Variants in MYT1L observed in about 807,000 individuals in gnomAD.
MYT1L encodes the protein myelin transcription factor 1-like protein.
A neutral mutation model predicts 126.7 loss-of-function variants in MYT1L; 12 were observed. The observed-to-expected ratio is 0.09, with a 90% CI of 0.06 to 0.15. The LOEUF (loss-of-function observed/expected upper bound fraction) is 0.15, where lower values mean the gene tolerates loss of function less well. MYT1L is among the 10% of genes least tolerant of loss of function. The probability of loss-of-function intolerance (pLI) is 1.00; values close to 1 mark genes in which losing one functional copy is unlikely to be tolerated. For missense variants in MYT1L, 979 were observed against 1,585.2 expected, an observed-to-expected ratio of 0.62 and a Z score of 6.49; for synonymous variants, 541 against 604.2, an observed-to-expected ratio of 0.90 and a Z score of 1.53.
intron 4 of MYT1L, among the ~76,000 whole-genome samples, chr2:2,003,719 G>GCT (rs1334962491): frequency 6.6e-6 from 1 of 152,134 alleles, no homozygotes; most frequent in African/African-American, 2.4e-5. Context: ...GGTGCTTAGG[G>GCT]CTGCCGAGCC....
At chr2:1,940,919 C>G (rs1056331188) in intron 9 of MYT1L, among the ~76,000 whole-genome samples, 5 of 152,246 alleles carry the variant, frequency 3.3e-5, no homozygotes, top group African/African-American at 1.2e-4. Flanking sequence ...GAGGCACGAT[C>G]AGCCAGTCGC....
At position 2,325,216 on chromosome 2, in the gene MYT1L, A is replaced by G. The variant is rs1336138581; in HGVS notation, c.-521+5751T>C. The G allele has an allele frequency of 3.3e-5, 5 of 152,330 alleles. No individual in the cohort carries two copies. In the East Asian group the frequency reaches 9.7e-4, roughly 29 times the overall value. The allele number at this position is 152,330 out of a possible 1,614,324, so 9.4% of individuals were successfully genotyped here. ...TGGCATTGCTGGTTAACATCCAAGCAAAACAAAAAGAGGTTCCAAAACCTG... is the reference window on the plus strand; with the variant it reads ...TGGCATTGCTGGTTAACATCCAAGCGAAACAAAAAGAGGTTCCAAAACCTG... On this transcript the variant is annotated intron_variant, in intron 1 of 24. Coordinates refer to ENST00000647738, the MANE Select transcript of MYT1L (RefSeq NM_001303052.2).
chr2:2,275,596 T>C (rs1039289225), intron 2 of MYT1L, among the ~76,000 whole-genome samples: 1 of 152,216 alleles, frequency 6.6e-6, no homozygotes, highest in Non-Finnish European at 1.5e-5. Context: ...CATCCTGCCC[T>C]AAGTTGCCTC....
intron 2 of MYT1L, among the ~76,000 whole-genome samples, chr2:2,263,805 C>A (rs1426696658): frequency 6.6e-6 from 1 of 152,114 alleles, no homozygotes; most frequent in South Asian, 2.1e-4. Flanking sequence ...ATTTGCTGGA[C>A]GTCAAGCATG....
At position 1,851,619 on chromosome 2, in the gene MYT1L, GAA is replaced by G. The variant is rs1178243984; in HGVS notation, c.2774+20_2774+21del. 6.2e-7 allele frequency: 1 copy of G among 1,608,120 alleles called. No individual in the cohort carries two copies. The highest frequency in any genetic ancestry group is 8.5e-7 in the Non-Finnish European group (1 of 1,174,764). On this transcript the variant is annotated intron_variant, in intron 19 of 24. Coordinates refer to ENST00000647738, the MANE Select transcript of MYT1L (RefSeq NM_001303052.2). ...TCAGTGAGAAAGAGCATTTTGGAGA[GAA>G]GAGTAGCATCTCTACATACCTCCGA... is the stretch of plus-strand genomic sequence containing the variant.
chr2:1,960,504 A>G (rs1235977532), intron 8 of MYT1L, among the ~76,000 whole-genome samples: 1 of 152,250 alleles, frequency 6.6e-6, no homozygotes, highest in Non-Finnish European at 1.5e-5. Context: ...CAACGTGCTT[A>G]GTGTAATGCA....
intron 2 of MYT1L, among the ~76,000 whole-genome samples, chr2:2,206,770 C>T (rs565175756): frequency 5.3e-5 from 8 of 152,318 alleles, no homozygotes; most frequent in African/African-American, 1.9e-4. Flanking sequence ...TCTGTAGTTG[C>T]CCATTTGCCT....
intron 4 of MYT1L, among the ~76,000 whole-genome samples, chr2:2,016,065 T>C (rs2064354549): frequency 6.6e-6 from 1 of 152,180 alleles, no homozygotes; most frequent in Non-Finnish European, 1.5e-5. Flanking sequence ...GGAAGGAAGA[T>C]TTGCATTCAT....
intron 18 of MYT1L, among the ~76,000 whole-genome samples, chr2:1,863,094 A>G (rs1250706689): frequency 6.6e-6 from 1 of 152,140 alleles, no homozygotes; most frequent in Non-Finnish European, 1.5e-5. Flanking sequence ...CACCCCATGG[A>G]GATGGTGGTA....
intron 21 of MYT1L, among the ~76,000 whole-genome samples, chr2:1,830,372 G>A (rs942543886): frequency 2.0e-5 from 3 of 152,182 alleles, no homozygotes; most frequent in Admixed American, 6.5e-5. Context: ...GTTGGTATGC[G>A]GAGGTGCTTA....
intron 9 of MYT1L, among the ~76,000 whole-genome samples, chr2:1,932,095 G>C (rs1054209852): frequency 1.3e-5 from 2 of 152,206 alleles, no homozygotes; most frequent in Non-Finnish European, 2.9e-5. Context: ...GATGGTGTGA[G>C]GTAATAGCAG....
intron 18 of MYT1L, among the ~76,000 whole-genome samples, chr2:1,853,085 C>T (rs1183565121): frequency 6.6e-6 from 1 of 152,130 alleles, no homozygotes; most frequent in Non-Finnish European, 1.5e-5. Context: ...CAGTACTCTC[C>T]TTTAGTCCTA....
At chr2:2,310,831 T>A (rs72769262) in intron 1 of MYT1L, among the ~76,000 whole-genome samples, 2,151 of 152,234 alleles carry the variant, frequency 0.014, 37 homozygotes, top group Non-Finnish European at 0.018. Flanking sequence ...TTATAATCCC[T>A]AGCATCTAAC....
At chr2:1,792,868 T>C (rs1261556712) in intron 23 of MYT1L, among the ~76,000 whole-genome samples, 6 of 1,282 alleles carry the variant, frequency 4.7e-3, no homozygotes, top group Admixed American at 0.016. Flanking sequence ...AGATTCCGTC[T>C]CACAAAAAAA....
chr2:1,817,639 C>G (rs1035202320), intron 21 of MYT1L, among the ~76,000 whole-genome samples: 5 of 152,184 alleles, frequency 3.3e-5, no homozygotes, highest in Non-Finnish European at 5.9e-5. Context: ...ACCCTGGGAG[C>G]AGGCCCAGCG....
chr2:2,002,734 C>T (rs2062521784), intron 4 of MYT1L, among the ~76,000 whole-genome samples: 1 of 152,148 alleles, frequency 6.6e-6, no homozygotes, highest in Non-Finnish European at 1.5e-5. Flanking sequence ...TCCCCATAGT[C>T]CCCACATGTC....
At chr2:2,162,335 T>C (rs559445160) in intron 3 of MYT1L, among the ~76,000 whole-genome samples, 1 of 150,952 alleles carries the variant, frequency 6.6e-6, no homozygotes, top group Non-Finnish European at 1.5e-5. Flanking sequence ...GCAGGTGGTG[T>C]CTAGGGTCCA....
chr2:2,149,589 A>T (rs553471517), intron 3 of MYT1L, among the ~76,000 whole-genome samples: 1 of 152,254 alleles, frequency 6.6e-6, no homozygotes, highest in East Asian at 1.9e-4. Flanking sequence ...GAAGGAGGAG[A>T]ATTCAGTCAT....
At chr2:2,146,223 C>A (rs2148241037) in intron 3 of MYT1L, among the ~76,000 whole-genome samples, 1 of 152,296 alleles carries the variant, frequency 6.6e-6, no homozygotes, top group East Asian at 1.9e-4. Flanking sequence ...ATAAATGCAT[C>A]TTTTTCTTTT....
Sources: allele counts gnomAD v4.1 joint callset (sites outside exome capture counted in the v4.1 genomes callset), GRCh38; gene constraint gnomAD v4.1.1; transcripts MANE v1.5; gene names NCBI Gene and HGNC (gene_info 2026-07-23, HGNC 2026-07-21).